The following ENPP2 variants were observed in gnomAD, a reference collection of about 807,000 sequenced individuals.
The protein encoded by ENPP2 is ectonucleotide pyrophosphatase/phosphodiesterase 2.
In ENPP2, 51 loss-of-function variants were observed where a neutral mutation model predicts 120.2. The observed-to-expected ratio is 0.42, with a 90% CI of 0.34 to 0.54. The LOEUF (loss-of-function observed/expected upper bound fraction) is 0.54. Ranked by LOEUF, ENPP2 falls within the 20% of genes least tolerant of loss-of-function variation. ENPP2 has a pLI of 0.04. For synonymous variants in ENPP2, 365 were observed against 366.4 expected (o/e 1.00, Z 0.04); for missense variants, 920 against 1,066.5 (o/e 0.86, Z 1.91).
At chr8:119,562,355 A>T (rs1814033656) in intron 24 of ENPP2, among the ~76,000 whole-genome samples, 2 of 152,132 alleles carry the variant, frequency 1.3e-5, no homozygotes, top group Non-Finnish European at 2.9e-5. Context: ...AGGCAGGAGA[A>T]TCACTTGAAT....
intron 1 of ENPP2, among the ~76,000 whole-genome samples, chr8:119,657,272 A>G (rs1817792618): frequency 6.6e-6 from 1 of 152,174 alleles, no homozygotes; most frequent in South Asian, 2.1e-4. Flanking sequence ...GAAAGATGAA[A>G]TAATTTGATC....
intron 9 of ENPP2, among the ~76,000 whole-genome samples, chr8:119,602,087 A>G (rs1814353974): frequency 6.6e-6 from 1 of 152,200 alleles, no homozygotes; most frequent in Non-Finnish European, 1.5e-5. Flanking sequence ...ACCTAACCTG[A>G]AACTTTAAGT....
intron 8 of ENPP2, among the ~76,000 whole-genome samples, chr8:119,615,560 G>C (rs1815401069): frequency 6.6e-6 from 1 of 152,014 alleles, no homozygotes; most frequent in South Asian, 2.1e-4. Context: ...AAGTAAACAG[G>C]GTGATTTCTT....
intron 8 of ENPP2, among the ~76,000 whole-genome samples, chr8:119,612,205 C>T (rs971011042): frequency 6.6e-6 from 1 of 152,022 alleles, no homozygotes; most frequent in Non-Finnish European, 1.5e-5. Context: ...AGCAAAGGCA[C>T]CAGGTTAGCA....
At chr8:119,649,072 C>A (rs1170210540) in intron 1 of ENPP2, among the ~76,000 whole-genome samples, 1 of 151,966 alleles carries the variant, frequency 6.6e-6, no homozygotes, top group Non-Finnish European at 1.5e-5. Flanking sequence ...TATACACTAA[C>A]AATAGACAAT....
chr8:119,638,808 A>G lies in ENPP2; in HGVS notation c.-28T>C, dbSNP rs1817168452. ...CGAGGATTCTTGGAAAGCCTTTTGC[A>G]GCGTGTTCTCTTTGCCTTCACGGAG... On this transcript the variant is annotated 5_prime_UTR_variant, in exon 1 of 25. Coordinates refer to ENST00000075322, the MANE Select transcript of ENPP2 (RefSeq NM_001040092.3). The G allele has an allele frequency of 1.2e-6, 2 of 1,613,960 alleles. No individual in the cohort carries two copies. Among genetic ancestry groups the G allele is most frequent in the Non-Finnish European group, 1.7e-6 (2 of 1,179,820 alleles).
intron 1 of ENPP2, among the ~76,000 whole-genome samples, chr8:119,659,121 C>T (rs1587584918): frequency 6.6e-6 from 1 of 151,914 alleles, no homozygotes; most frequent in Non-Finnish European, 1.5e-5. Flanking sequence ...TCAAGACCAG[C>T]CTGGGCAACA....
intron 2 of ENPP2, among the ~76,000 whole-genome samples, chr8:119,628,876 G>T (rs951093278): frequency 2.6e-5 from 4 of 152,112 alleles, no homozygotes; most frequent in Non-Finnish European, 5.9e-5. Flanking sequence ...TAAGAAACAG[G>T]TTATGGAATT....
At chr8:119,600,120 T>C (rs1027193923) in intron 11 of ENPP2, among the ~76,000 whole-genome samples, 4 of 152,142 alleles carry the variant, frequency 2.6e-5, no homozygotes, top group African/African-American at 9.7e-5. Context: ...GTTCATATCT[T>C]GAATGTGGTG....
At chr8:119,575,416 C>G (rs1443148054) in intron 19 of ENPP2, among the ~76,000 whole-genome samples, 2 of 152,088 alleles carry the variant, frequency 1.3e-5, no homozygotes, top group Non-Finnish European at 2.9e-5. Flanking sequence ...TAGTTTCTGT[C>G]AAAGCATCTA....
chr8:119,589,586 A>G (rs996296798), intron 13 of ENPP2, among the ~76,000 whole-genome samples: 3 of 152,324 alleles, frequency 2.0e-5, no homozygotes, highest in Admixed American at 1.3e-4. Context: ...GGGAGGACAC[A>G]GGGACAGGAA....
chr8:119,623,672 C>G (rs910758990), intron 3 of ENPP2, among the ~76,000 whole-genome samples: 2 of 152,042 alleles, frequency 1.3e-5, no homozygotes, highest in African/African-American at 4.8e-5. Flanking sequence ...GTCGCCTGGG[C>G]TAGAGTGCAG....
intron 19 of ENPP2, chr8:119,573,084 G>A (rs1449612036): frequency 1.3e-5 from 2 of 152,162 alleles, no homozygotes; most frequent in Non-Finnish European, 2.9e-5. Context: ...GAAAGGGCGA[G>A]GGGCCCAAGA....
intron 5 of ENPP2, chr8:119,618,569 G>T (rs1815645369): frequency 6.5e-6 from 2 of 306,026 alleles, no homozygotes; most frequent in Non-Finnish European, 1.3e-5. Flanking sequence ...TTTTAGAGGG[G>T]GTCTCTTTCA....
chr8:119,621,318 C>A (rs1815878444), intron 4 of ENPP2, 76 bp downstream of exon 4: 8 of 1,363,850 alleles, frequency 5.9e-6, no homozygotes, highest in Non-Finnish European at 8.4e-6. Flanking sequence ...TGGTCTATTC[C>A]TAGCATCCAG....
At chr8:119,584,961 G>C (rs549408895) in intron 15 of ENPP2, among the ~76,000 whole-genome samples, 2 of 152,302 alleles carry the variant, frequency 1.3e-5, no homozygotes, top group South Asian at 2.1e-4. Context: ...AACAATGCAA[G>C]ATGAGTTAAA....
Position 119,570,724 on chromosome 8 carries a change from G to A in ENPP2, c.1898C>T (p.Ser633Leu). 6.3e-7 allele frequency: 1 copy of A among 1,575,290 alleles called. No individual in the cohort carries two copies. Among genetic ancestry groups the A allele is most frequent in the Non-Finnish European group, 8.6e-7 (1 of 1,159,130 alleles). Reference sequence around the variant, plus strand: ...AATGACCTGTTTGGAAACAGTATATGATGTCCAGAGTGGCATTAGGAATAT... The same window carrying A: ...AATGACCTGTTTGGAAACAGTATATAATGTCCAGAGTGGCATTAGGAATAT... ...SEIFLMPLWT[S>L]YTVSKQAEVS... Residue 633 changes from serine to leucine, a missense_variant, in exon 20 of 25, where the codon TCA becomes TTA. Ser to Leu is a moderately radical substitution (Grantham distance 145, BLOSUM62 -2). Coordinates refer to ENST00000075322, the MANE Select transcript of ENPP2 (RefSeq NM_001040092.3).
chr8:119,605,012 A>G (rs1210983232), intron 9 of ENPP2, among the ~76,000 whole-genome samples: 1 of 151,986 alleles, frequency 6.6e-6, no homozygotes, highest in African/African-American at 2.4e-5. Flanking sequence ...TGACCTTGTG[A>G]TCCACCCACC....
At chr8:119,627,550 CAA>C (rs113032891) in intron 2 of ENPP2, among the ~76,000 whole-genome samples, 2 of 149,506 alleles carry the variant, frequency 1.3e-5, no homozygotes, top group African/African-American at 4.9e-5. Context: ...AAAAGTCTAC[CAA>C]AAAAAAAATT....
Sources: gnomAD v4.1 joint callset for allele counts (sites outside exome capture counted in the v4.1 genomes callset) on GRCh38, gnomAD v4.1.1 for gene constraint, MANE v1.5 for transcripts, NCBI Gene and HGNC (gene_info 2026-07-23, HGNC 2026-07-21) for gene names.